The following TM9SF2 variants were observed in gnomAD, a reference collection of about 807,000 sequenced individuals.
TM9SF2 encodes 76 kDa membrane protein.
TM9SF2 carries 13 observed loss-of-function variants against 84.9 expected under a neutral mutation model. That is an observed-to-expected ratio of 0.15 (90% CI 0.10 to 0.24). TM9SF2 has a LOEUF of 0.24. TM9SF2 is among the 10% of genes least tolerant of loss of function. The probability of loss-of-function intolerance (pLI) is 1.00; values close to 1 mark genes in which losing one functional copy is unlikely to be tolerated. For synonymous variants in TM9SF2, 273 were observed against 285.8 expected, an observed-to-expected ratio of 0.96 and a Z score of 0.45; for missense variants, 562 against 818.5, an observed-to-expected ratio of 0.69 and a Z score of 3.82.
chr13:99,526,285 C>A (rs1370955250), intron 3 of TM9SF2, among the ~76,000 whole-genome samples: 1 of 152,192 alleles, frequency 6.6e-6, no homozygotes, highest in Admixed American at 6.5e-5. Context: ...TTGTGTATCT[C>A]CAGCTATTTC....
At chr13:99,547,553 A>G (rs2046287976) in intron 11 of TM9SF2, among the ~76,000 whole-genome samples, 1 of 152,236 alleles carries the variant, frequency 6.6e-6, no homozygotes, top group African/African-American at 2.4e-5. Context: ...AATATTTATA[A>G]AAATACACTG....
intron 1 of TM9SF2, among the ~76,000 whole-genome samples, chr13:99,509,519 C>T (rs1189602551): frequency 6.6e-6 from 1 of 152,258 alleles, no homozygotes; most frequent in Non-Finnish European, 1.5e-5. Context: ...CTTAACACCA[C>T]ATGGAAGCCA....
At chr13:99,550,421 C>T (rs9585125) in intron 12 of TM9SF2, among the ~76,000 whole-genome samples, 28,045 of 152,138 alleles carry the variant, frequency 0.18, 2,781 homozygotes, top group Middle Eastern at 0.2. Flanking sequence ...AATCCAGAAA[C>T]GATTTTCTCT....
At chr13:99,544,124 G>T (rs1345347531) in intron 10 of TM9SF2, 129 bp downstream of exon 10, 3 of 983,956 alleles carry the variant, frequency 3.0e-6, no homozygotes, top group Admixed American at 5.3e-5. Flanking sequence ...GGCCAAGGCG[G>T]GTGGATGACA....
intron 6 of TM9SF2, 79 bp downstream of exon 6, chr13:99,537,942 C>G: frequency 6.7e-7 from 1 of 1,490,584 alleles, no homozygotes; most frequent in Non-Finnish European, 8.9e-7. Context: ...GGCTCAATTA[C>G]TCCTTAATAT....
At chr13:99,559,883 G>A (rs1397098248) in intron 16 of TM9SF2, among the ~76,000 whole-genome samples, 1 of 150,928 alleles carries the variant, frequency 6.6e-6, no homozygotes, top group East Asian at 2.0e-4. Flanking sequence ...AGTGACTTAA[G>A]TTTAGGAGTA....
chr13:99,547,550 A>G (rs1411244353), intron 11 of TM9SF2, among the ~76,000 whole-genome samples: 1 of 152,266 alleles, frequency 6.6e-6, no homozygotes, highest in Non-Finnish European at 1.5e-5. Context: ...TTTAATATTT[A>G]TAAAAATACA....
At position 99,541,653 on chromosome 13, in the gene TM9SF2, C is replaced by A; in HGVS notation, c.1003C>A (p.Gln335Lys). ...GCACAAAGATATTGCTAGATATAATCAGATGGACTCTACGGTAAGTGGAAA... is the reference window on the plus strand; with the variant it reads ...GCACAAAGATATTGCTAGATATAATAAGATGGACTCTACGGTAAGTGGAAA... The part of the protein sequence containing the change: ...TLHKDIARYN[Q>K]MDSTEDAQEE... Residue 335 changes from glutamine (Q) to lysine (K), a missense_variant, in exon 9 of 17, where the codon CAG becomes AAG. Gln to Lys is a moderately conservative substitution (Grantham distance 53). Coordinates refer to ENST00000376387, the MANE Select transcript of TM9SF2 (RefSeq NM_004800.3). The A allele has an allele frequency of 1.2e-6, 2 of 1,607,906 alleles. No individual in the cohort carries two copies. Among genetic ancestry groups the A allele is most frequent in the South Asian group, 2.2e-5 (2 of 90,604 alleles).
intron 11 of TM9SF2, among the ~76,000 whole-genome samples, chr13:99,547,508 A>G (rs2046287746): frequency 6.6e-6 from 1 of 152,244 alleles, no homozygotes; most frequent in Non-Finnish European, 1.5e-5. Flanking sequence ...ACCTTTTCTT[A>G]CATATGAGAA....
chr13:99,511,112 T>C (rs759996815), intron 1 of TM9SF2, among the ~76,000 whole-genome samples: 7 of 152,230 alleles, frequency 4.6e-5, no homozygotes, highest in South Asian at 2.1e-4. Context: ...CTTCTGTTGC[T>C]TTACAGTGAG....
In TM9SF2 at chr13:99,501,499, GC is replaced by G; in HGVS notation, c.-106del. ...CGCAACCGGAACTAGCCTTCTGGGG[GC>G]CGGCTTCCTTTATCTCTGGCGGCCT... On this transcript the variant is annotated 5_prime_UTR_variant, in exon 1 of 17. Coordinates refer to ENST00000376387, the MANE Select transcript of TM9SF2 (RefSeq NM_004800.3). 1 of 1,403,914 alleles carries G rather than the reference GC, an allele frequency of 7.1e-7. No individual in the cohort carries two copies. Among genetic ancestry groups the G allele is most frequent in the Non-Finnish European group, 9.6e-7 (1 of 1,043,498 alleles). 87.0% of individuals were successfully genotyped at this position (1,403,914 alleles called of 1,614,324 possible).
intron 15 of TM9SF2, among the ~76,000 whole-genome samples, chr13:99,558,422 T>C (rs2046332577): frequency 6.6e-6 from 1 of 152,216 alleles, no homozygotes. Context: ...TTGAAGAGTA[T>C]TGCTGTCTTA....
At chr13:99,558,953 C>T (rs1227787283) in intron 15 of TM9SF2, among the ~76,000 whole-genome samples, 1 of 152,156 alleles carries the variant, frequency 6.6e-6, no homozygotes, top group African/African-American at 2.4e-5. Context: ...TCCAACCAGG[C>T]CTTAGTAGAA....
At chr13:99,549,423 T>G (rs2046296750) in intron 12 of TM9SF2, among the ~76,000 whole-genome samples, 1 of 152,318 alleles carries the variant, frequency 6.6e-6, no homozygotes, top group Middle Eastern at 3.4e-3. Flanking sequence ...GAAAGTACCT[T>G]TAGACATGAG....
At chr13:99,524,882 C>G (rs1333500785) in intron 3 of TM9SF2, among the ~76,000 whole-genome samples, 2 of 151,522 alleles carry the variant, frequency 1.3e-5, no homozygotes, top group African/African-American at 2.4e-5. Flanking sequence ...TTTTATAGGT[C>G]GGGAGGATGG....
In TM9SF2 at chr13:99,555,522, G is replaced by A. The variant is rs765420381; in HGVS notation, c.1641-14G>A. The A allele has an allele frequency of 3.2e-6, 5 of 1,550,562 alleles. No homozygotes were observed. The highest frequency in any genetic ancestry group is 2.2e-5 in the East Asian group (1 of 44,484). On this transcript the variant is annotated splice_polypyrimidine_tract_variant and intron_variant, in intron 14 of 16. Coordinates refer to ENST00000376387, the MANE Select transcript of TM9SF2 (RefSeq NM_004800.3). The stretch of plus-strand genomic sequence containing the variant: ...AAAATATTTATAGTTCCTTCTTGAC[G>A]TGTTTGATTATAGGTCACACCAGAT...
At chr13:99,517,548 C>A in intron 1 of TM9SF2, 66 bp from the exon 2 acceptor site, 1 of 1,059,302 alleles carries the variant, frequency 9.4e-7, no homozygotes, top group Non-Finnish European at 1.4e-6. Context: ...TTTTTTAATT[C>A]TAAGCATGAC....
Position 99,557,776 on chromosome 13 carries a change from AG to A in TM9SF2, c.1753-1585del, listed in dbSNP as rs550169025. Among the ~76,000 whole-genome samples, 395 of 152,196 alleles carry A rather than the reference AG, an allele frequency of 2.6e-3. 4 individuals carry two copies. The highest frequency in any genetic ancestry group is 9.3e-3 in the African/African-American group (388 of 41,514). ...GGCTTACTTGGGAAGCTGAGGTGGA[AG>A]GATCACTTGAGCCCAGGAGGGCTTC... On this transcript the variant is annotated intron_variant, in intron 15 of 16. Transcript: ENST00000376387.
intron 3 of TM9SF2, among the ~76,000 whole-genome samples, chr13:99,528,547 A>G (rs1465725012): frequency 6.6e-6 from 1 of 152,176 alleles, no homozygotes; most frequent in Non-Finnish European, 1.5e-5. Context: ...TTTTGGTGTA[A>G]TATTGTCTCT....
Sources: gnomAD v4.1 joint callset for allele counts (sites outside exome capture counted in the v4.1 genomes callset) on GRCh38, gnomAD v4.1.1 for gene constraint, MANE v1.5 for transcripts, NCBI Gene and HGNC (gene_info 2026-07-23, HGNC 2026-07-21) for gene names.